The following ERICH3 variants were observed in gnomAD, a reference collection of about 807,000 sequenced individuals.
ERICH3 encodes glutamate rich 3.
A neutral mutation model predicts 131.1 loss-of-function variants in ERICH3; 126 were observed. The observed-to-expected ratio is 0.96, with a 90% confidence interval of 0.83 to 1.11. ERICH3 has a LOEUF of 1.11. Among genes scored for constraint, ERICH3 ranks in the 50% most tolerant of loss-of-function variants. ERICH3 has a pLI of 0.00. For synonymous variants in ERICH3, 695 were observed against 644.6 expected (o/e 1.08, Z -1.18); for missense variants, 2,050 against 1,810.7 (o/e 1.13, Z -2.40).
intron 12 of ERICH3, among the ~76,000 whole-genome samples, chr1:74,584,367 TC>T (rs780316782): frequency 1.5e-4 from 23 of 152,282 alleles, no homozygotes; most frequent in Non-Finnish European, 2.8e-4. Flanking sequence ...AATAAATTCC[TC>T]CCCATGACCT....
intron 10 of ERICH3, among the ~76,000 whole-genome samples, chr1:74,606,238 C>A (rs1648386956): frequency 6.6e-6 from 1 of 151,882 alleles, no homozygotes; most frequent in Non-Finnish European, 1.5e-5. Flanking sequence ...GATGTCAAAG[C>A]AATTCATCAA....
chr1:74,590,680 C>T lies in ERICH3; in HGVS notation c.1727-600G>A, dbSNP rs114693105. 3.3e-3 allele frequency among the ~76,000 whole-genome samples: 501 copies of T among 152,284 alleles called. 2 individuals are homozygous for T. Among genetic ancestry groups the T allele is most frequent in the African/African-American group, 0.012 (490 of 41,570 alleles). ...AGATAAAACTTCGCTGGCTTCCCCA[C>T]CACTCACCTCCTGCTGTGCAGCCTG... On this transcript the variant is annotated intron_variant, in intron 11 of 14. Transcript: ENST00000326665.
intron 7 of ERICH3, among the ~76,000 whole-genome samples, chr1:74,627,886 A>G (rs1649470132): frequency 1.3e-5 from 2 of 152,334 alleles, no homozygotes; most frequent in Admixed American, 1.3e-4. Context: ...ATTTACTACC[A>G]TAAAATACAC....
In ERICH3 at chr1:74,571,949, A is replaced by G; in HGVS notation, c.3761T>C (p.Leu1254Pro). The change falls in exon 14 of 15, where the codon CTG becomes CCG. Residue 1254 changes from leucine to proline, a missense_variant. By Grantham distance (98) the Leu-to-Pro change is moderately conservative (BLOSUM62 -3). Transcript: ENST00000326665. ...AAKDHDSCAGLEGRAEGQGGV... is the reference protein window; with the variant it reads ...AAKDHDSCAGPEGRAEGQGGV... ...TCCTTGCCCTTCAGCTCTCCCCTCCAGTCCTGCGCAGGAGTCGTGATCTTT... is the reference window on the plus strand; with the variant it reads ...TCCTTGCCCTTCAGCTCTCCCCTCCGGTCCTGCGCAGGAGTCGTGATCTTT... 1 of 1,613,572 alleles carries G rather than the reference A, an allele frequency of 6.2e-7. No homozygotes were observed. Among genetic ancestry groups the G allele is most frequent in the Non-Finnish European group, 8.5e-7 (1 of 1,180,016 alleles).
upstream of ERICH3, among the ~76,000 whole-genome samples, chr1:74,674,005 G>A (rs1472016017): frequency 6.6e-6 from 1 of 152,210 alleles, no homozygotes; most frequent in African/African-American, 2.4e-5. Context: ...CCCTGGGGAA[G>A]GAAGGACTGG....
chr1:74,668,439 T>C (rs539222303), intron 1 of ERICH3, among the ~76,000 whole-genome samples: 50 of 152,286 alleles, frequency 3.3e-4, no homozygotes, highest in African/African-American at 1.1e-3. Context: ...GGGCAACAAA[T>C]CTAATTGCAA....
At chr1:74,651,560 C>T (rs1221525997) in intron 1 of ERICH3, among the ~76,000 whole-genome samples, 1 of 152,098 alleles carries the variant, frequency 6.6e-6, no homozygotes, top group East Asian at 1.9e-4. Context: ...CTCAGAATAT[C>T]TTTTCAGCTC....
intron 7 of ERICH3, chr1:74,625,534 C>T (rs1649384673): frequency 6.6e-6 from 1 of 152,068 alleles, no homozygotes; most frequent in South Asian, 2.1e-4. Flanking sequence ...TATTTCTTTC[C>T]TCTATGTTTC....
At chr1:74,609,293 A>G (rs940081531) in intron 9 of ERICH3, among the ~76,000 whole-genome samples, 1 of 152,056 alleles carries the variant, frequency 6.6e-6, no homozygotes, top group African/African-American at 2.4e-5. Context: ...ATCATTTAGA[A>G]ATATAATTCT....
chr1:74,591,995 G>A (rs1052488204), intron 11 of ERICH3: 3 of 152,004 alleles, frequency 2.0e-5, no homozygotes, highest in Non-Finnish European at 1.5e-5. Context: ...CTGTCTTTGC[G>A]CTTATCCTCT....
At chr1:74,613,974 T>C (rs1436098464) in intron 8 of ERICH3, among the ~76,000 whole-genome samples, 1 of 152,252 alleles carries the variant, frequency 6.6e-6, no homozygotes, top group African/African-American at 2.4e-5. Flanking sequence ...TTGTTGCATT[T>C]ACTACAATAG....
At chr1:74,645,393 A>G (rs1570903704) in intron 3 of ERICH3, among the ~76,000 whole-genome samples, 1 of 151,152 alleles carries the variant, frequency 6.6e-6, no homozygotes, top group East Asian at 1.9e-4. Flanking sequence ...GTTTTTTTCT[A>G]TTATGTTTAT....
At chr1:74,610,811 T>C (rs530158109) in intron 9 of ERICH3, among the ~76,000 whole-genome samples, 1 of 152,196 alleles carries the variant, frequency 6.6e-6, no homozygotes, top group African/African-American at 2.4e-5. Context: ...TGATCACCAG[T>C]AACCAACACA....
At chr1:74,601,323 T>C (rs1204428980) in intron 10 of ERICH3, among the ~76,000 whole-genome samples, 2 of 151,784 alleles carry the variant, frequency 1.3e-5, no homozygotes, top group African/African-American at 4.8e-5. Context: ...GAATCTTCTA[T>C]GATTAAGAGG....
chr1:74,599,657 T>C (rs1216294224), intron 11 of ERICH3, 38 bp downstream of exon 11: 3 of 1,474,852 alleles, frequency 2.0e-6, no homozygotes, highest in Non-Finnish European at 2.8e-6. Context: ...ACACACTCAG[T>C]AAACAGCCTA....
rs780352686 is a variant in ERICH3, at chr1:74,599,763, T to C, written c.1658A>G (p.Asp553Gly). ...ESETSSQKAP[D>G]ARDNVKDEND... ...CTCATCTTTCACATTGTCACGGGCA[T>C]CTGGTGCCTTCTGTGATGAGGTTTC... Residue 553 changes from aspartate (D) to glycine (G), a missense_variant, in exon 11 of 15, where the codon GAT becomes GGT. Asp to Gly is a moderately conservative substitution (Grantham distance 94). Coordinates refer to ENST00000326665, the MANE Select transcript of ERICH3 (RefSeq NM_001002912.5). 7 of 1,612,346 alleles carry C rather than the reference T, an allele frequency of 4.3e-6. No homozygotes were observed. In the Admixed American group the frequency reaches 5.0e-5, roughly 12 times the overall value.
intron 9 of ERICH3, among the ~76,000 whole-genome samples, chr1:74,611,028 C>G (rs556822123): frequency 2.0e-4 from 31 of 152,260 alleles, no homozygotes; most frequent in African/African-American, 7.0e-4. Context: ...ACACTCATCA[C>G]TCAGACATCT....
intron 1 of ERICH3, among the ~76,000 whole-genome samples, chr1:74,663,797 T>C (rs1290276044): frequency 6.6e-6 from 1 of 152,018 alleles, no homozygotes; most frequent in East Asian, 1.9e-4. Context: ...ATCACCTACC[T>C]GTAGGACTAC....
At chr1:74,586,817 T>C (rs372568569) in intron 12 of ERICH3, among the ~76,000 whole-genome samples, 1 of 152,226 alleles carries the variant, frequency 6.6e-6, no homozygotes, top group South Asian at 2.1e-4. Flanking sequence ...TGTTAAGATA[T>C]AAAGCAGCAT....
Sources: allele counts gnomAD v4.1 joint callset (sites outside exome capture counted in the v4.1 genomes callset), GRCh38; gene constraint gnomAD v4.1.1; transcripts MANE v1.5; gene names NCBI Gene and HGNC (gene_info 2026-07-23, HGNC 2026-07-21).